The following GRM7 variants were observed in gnomAD, a reference collection of about 807,000 sequenced individuals.
The protein encoded by GRM7 is metabotropic glutamate receptor 7.
A neutral mutation model predicts 84.5 loss-of-function variants in GRM7; 35 were observed. The ratio of observed to expected loss-of-function variants is 0.41; its 90% CI spans 0.32 to 0.55. The LOEUF (loss-of-function observed/expected upper bound fraction) is 0.55, where lower values mean the gene tolerates loss of function less well. Ranked by LOEUF, GRM7 falls within the 20% of genes least tolerant of loss-of-function variation. GRM7 has a pLI of 0.19. For synonymous variants in GRM7, 487 were observed against 455.1 expected, an observed-to-expected ratio of 1.07 and a Z score of -0.89; for missense variants, 1,003 against 1,194.6, an observed-to-expected ratio of 0.84 and a Z score of 2.36.
At chr3:7,662,952 A>G (rs1191110290) in intron 8 of GRM7, among the ~76,000 whole-genome samples, 1 of 152,212 alleles carries the variant, frequency 6.6e-6, no homozygotes, top group Non-Finnish European at 1.5e-5. Flanking sequence ...CTTTTCTGAG[A>G]GATGCTGATG....
intron 1 of GRM7, among the ~76,000 whole-genome samples, chr3:6,868,348 G>A (rs1373569512): frequency 6.6e-6 from 1 of 152,168 alleles, no homozygotes; most frequent in Non-Finnish European, 1.5e-5. Flanking sequence ...GTGGTTTAAA[G>A]ACATCACAGT....
rs76701287 is a variant in GRM7, at chr3:7,458,424, T to C, written c.1376-3159T>C. On this transcript the variant is annotated intron_variant, in intron 6 of 9. Transcript: ENST00000357716. ...TTCTTATTCTGTTTTAAGAAGTTCA[T>C]GGATGCTGTTAAAAAGGAGATGTGG... Among the ~76,000 whole-genome samples the C allele has an allele frequency of 4.8e-3, 734 of 152,296 alleles. 6 individuals are homozygous for C. Among genetic ancestry groups the C allele is most frequent in the East Asian group, 0.033 (169 of 5,186 alleles).
chr3:7,200,640 G>T (rs1181967632), intron 2 of GRM7, among the ~76,000 whole-genome samples: 1 of 152,090 alleles, frequency 6.6e-6, no homozygotes, highest in Non-Finnish European at 1.5e-5. Flanking sequence ...CCCCAGAATT[G>T]GATTCTGTGG....
intron 1 of GRM7, among the ~76,000 whole-genome samples, chr3:6,988,806 C>G (rs1383544654): frequency 6.6e-6 from 1 of 152,102 alleles, no homozygotes; most frequent in African/African-American, 2.4e-5. Flanking sequence ...GAATTTCAAA[C>G]CATTATGAAA....
At position 7,721,093 on chromosome 3, in the gene GRM7, G is replaced by A. The variant is rs1217029558; in HGVS notation, c.2699-19264G>A. Among the ~76,000 whole-genome samples the A allele has an allele frequency of 2.6e-5, 4 of 152,320 alleles. No homozygotes were observed. The East Asian group carries it at 7.7e-4, about 29-fold the overall frequency. On this transcript the variant is annotated intron_variant, in intron 9 of 9. Transcript: ENST00000357716. ...ATGCTACTACATTCAGAGCACAAGTGTTTGTACTGTTTATTGCATCATCTA... is the reference window on the plus strand; with the variant it reads ...ATGCTACTACATTCAGAGCACAAGTATTTGTACTGTTTATTGCATCATCTA...
chr3:7,729,065 T>C (rs936191435), intron 9 of GRM7, among the ~76,000 whole-genome samples: 3 of 150,502 alleles, frequency 2.0e-5, no homozygotes, highest in South Asian at 4.2e-4. Flanking sequence ...TTTTTCCCCA[T>C]AGTTTTGGGG....
At chr3:7,550,413 T>C (rs981255146) in intron 7 of GRM7, among the ~76,000 whole-genome samples, 4 of 138,746 alleles carry the variant, frequency 2.9e-5, no homozygotes, top group African/African-American at 1.2e-4. Flanking sequence ...TTTCTCTCTC[T>C]CTCCCTCCCT....
chr3:6,961,339 C>G (rs1192318516), intron 1 of GRM7, among the ~76,000 whole-genome samples: 1 of 152,172 alleles, frequency 6.6e-6, no homozygotes, highest in Non-Finnish European at 1.5e-5. Flanking sequence ...TGCTACTCTT[C>G]TTGTCATAAT....
At chr3:6,968,290 C>T (rs1032678) in intron 1 of GRM7, among the ~76,000 whole-genome samples, 9,142 of 152,138 alleles carry the variant, frequency 0.06, 535 homozygotes, top group African/African-American at 0.14. Flanking sequence ...GTCTCTGTGT[C>T]GAAATTTCTT....
At chr3:6,993,503 G>A (rs911698086) in intron 1 of GRM7, among the ~76,000 whole-genome samples, 4 of 152,194 alleles carry the variant, frequency 2.6e-5, no homozygotes, top group African/African-American at 9.6e-5. Flanking sequence ...CCAGTAAGTG[G>A]TCTTAAGAGA....
At chr3:7,159,528 C>T (rs1694557823) in intron 2 of GRM7, among the ~76,000 whole-genome samples, 1 of 152,134 alleles carries the variant, frequency 6.6e-6, no homozygotes. Context: ...TGTTCAATAC[C>T]TGTTATTCCT....
intron 1 of GRM7, among the ~76,000 whole-genome samples, chr3:7,024,129 C>G (rs982895263): frequency 2.0e-5 from 3 of 152,164 alleles, no homozygotes; most frequent in Non-Finnish European, 4.4e-5. Flanking sequence ...CTTACCTCCC[C>G]CCTTGTTTCT....
At chr3:7,712,122 A>T (rs898100563) in intron 9 of GRM7, among the ~76,000 whole-genome samples, 3 of 152,178 alleles carry the variant, frequency 2.0e-5, no homozygotes, top group African/African-American at 7.2e-5. Context: ...TGCCAGCGGC[A>T]GTGGAGGGAA....
chr3:7,424,055 C>T (rs1047753623), intron 5 of GRM7, among the ~76,000 whole-genome samples: 1 of 151,954 alleles, frequency 6.6e-6, no homozygotes, highest in African/African-American at 2.4e-5. Context: ...GGTTTGAATC[C>T]CAGCTGTTTC....
chr3:7,052,720 G>GTTTTTTTTTTTTTTTTTTTTT (rs372132445), intron 1 of GRM7, among the ~76,000 whole-genome samples: 2 of 101,564 alleles, frequency 2.0e-5, no homozygotes, highest in African/African-American at 4.5e-5. Context: ...AGTATCGGTA[G>GTTTTTTTTTTTTTTTTTTTTT]TTTTTTTTTT....
At chr3:7,606,509 A>T (rs926560026) in intron 8 of GRM7, among the ~76,000 whole-genome samples, 6 of 152,162 alleles carry the variant, frequency 3.9e-5, no homozygotes, top group Non-Finnish European at 8.8e-5. Flanking sequence ...TATCTGTTTT[A>T]TAAGTGAGGA....
chr3:7,657,667 G>C (rs564963474), intron 8 of GRM7, among the ~76,000 whole-genome samples: 70 of 152,240 alleles, frequency 4.6e-4, no homozygotes, highest in African/African-American at 1.6e-3. Context: ...TGAGCTCTCA[G>C]AACGAATCAC....
At chr3:7,409,790 TA>T (rs1695846448) in intron 4 of GRM7, among the ~76,000 whole-genome samples, 1 of 151,906 alleles carries the variant, frequency 6.6e-6, no homozygotes, top group Non-Finnish European at 1.5e-5. Flanking sequence ...TTAGTAGAGG[TA>T]GGGTTTCACC....
chr3:7,146,593 G>A lies in GRM7; in HGVS notation c.661G>A (p.Val221Met). ...DIVKALGWNY[V>M]STLASEGSYG... ...TGTAAAGGCCCTAGGCTGGAATTAT[G>A]TGTCTACCCTCGCATCGGAAGGAAG... The change falls in exon 2 of 10, where the codon GTG (valine) becomes ATG (methionine). Residue 221 changes from valine (V) to methionine (M), a missense_variant. By Grantham distance (21) the Val-to-Met change is conservative. Coordinates refer to ENST00000357716, the MANE Select transcript of GRM7 (RefSeq NM_000844.4). 1 of 1,614,048 alleles carries A rather than the reference G, an allele frequency of 6.2e-7. No individual in the cohort carries two copies. Among genetic ancestry groups the A allele is most frequent in the Non-Finnish European group, 8.5e-7 (1 of 1,179,970 alleles).
Sources: allele counts gnomAD v4.1 joint callset (sites outside exome capture counted in the v4.1 genomes callset), GRCh38; gene constraint gnomAD v4.1.1; transcripts MANE v1.5; gene names NCBI Gene and HGNC (gene_info 2026-07-23, HGNC 2026-07-21).